KCNN3: variants seen among roughly 807,000 people sequenced by gnomAD.
The protein encoded by KCNN3 is small conductance calcium-activated potassium channel protein 3.
Under a neutral mutation model 62.9 loss-of-function variants are expected in KCNN3, and 16 were observed. The ratio of observed to expected loss-of-function variants is 0.25; its 90% CI spans 0.17 to 0.39. The LOEUF is 0.39. Among genes scored for constraint, KCNN3 ranks in the 10% least tolerant of loss-of-function variants. KCNN3 has a pLI of 1.00. For synonymous variants in KCNN3, 370 were observed against 389.2 expected (o/e 0.95, Z 0.58); for missense variants, 599 against 949.4 (o/e 0.63, Z 4.85).
chr1:154,748,266 G>A (rs1398784144), intron 3 of KCNN3, among the ~76,000 whole-genome samples: 3 of 151,942 alleles, frequency 2.0e-5, no homozygotes, highest in Admixed American at 1.3e-4. Context: ...AGCTCCACCC[G>A]CCCGGGGCCC....
In KCNN3 at chr1:154,869,315, G is replaced by C; in HGVS notation, c.650C>G (p.Pro217Arg). The change falls in exon 1 of 8, where the codon CCG (proline) becomes CGG (arginine). Residue 217 changes from proline to arginine, a missense_variant. This residue lies in a region of KCNN3 where 80 missense variants were observed against 85.4 expected (regional missense o/e 0.94). Transcript: ENST00000271915. This position sits in a 1 kb window ranked among gnomAD's most constrained non-coding sequence, Gnocchi z 6.1. The stretch of plus-strand genomic sequence containing the variant: ...CTCCCGGGAGGAGATGACGATCTCC[G>C]GGGGGTTGCTAGGGCTGAAAAGCTG... ...PLQLFSPSNP[P>R]EIVISSREDN... is the part of the protein sequence containing the mutation. 6.2e-7 allele frequency: 1 copy of C among 1,613,594 alleles called. No homozygotes were observed. The highest frequency in any genetic ancestry group is 8.5e-7 in the Non-Finnish European group (1 of 1,179,594).
chr1:154,835,089 T>A (rs554913259), intron 1 of KCNN3, among the ~76,000 whole-genome samples: 1 of 152,262 alleles, frequency 6.6e-6, no homozygotes, highest in South Asian at 2.1e-4. Context: ...ATCTTTAACA[T>A]CTATTCAATG....
chr1:154,715,240 C>A (rs920940617), intron 5 of KCNN3, among the ~76,000 whole-genome samples: 2 of 151,970 alleles, frequency 1.3e-5, no homozygotes, highest in Non-Finnish European at 2.9e-5. Flanking sequence ...GAGTTCGAGA[C>A]CAGCCTGGAC....
rs886079915 is a variant in KCNN3 at position 154,737,836 on chromosome 1, T to G, written c.1449-4692A>C. ...TGCTCGGAGGCTGAGGCAGGAGGATTGCTCGTGCCCAGGAGGTTGAGGCTG... is the reference window on the plus strand; with the variant it reads ...TGCTCGGAGGCTGAGGCAGGAGGATGGCTCGTGCCCAGGAGGTTGAGGCTG... On this transcript the variant is annotated intron_variant, in intron 3 of 7. Coordinates refer to ENST00000271915, the MANE Select transcript of KCNN3 (RefSeq NM_002249.6). Among the ~76,000 whole-genome samples the G allele has an allele frequency of 3.8e-4, 58 of 152,208 alleles. 1 individual carries two copies. Among genetic ancestry groups the G allele is most frequent in the African/African-American group, 1.4e-3 (56 of 41,448 alleles).
At chr1:154,769,085 A>G (rs1648431486) in intron 3 of KCNN3, among the ~76,000 whole-genome samples, 1 of 150,552 alleles carries the variant, frequency 6.6e-6, no homozygotes, top group East Asian at 2.0e-4. Flanking sequence ...AGTTTCCTCA[A>G]CTCTCCCATG....
intron 3 of KCNN3, among the ~76,000 whole-genome samples, chr1:154,744,223 CAATG>C (rs35253751): frequency 0.85 from 128,923 of 151,512 alleles, 55,055 homozygotes; most frequent in East Asian, 1. Flanking sequence ...AATACTTGTC[CAATG>C]AATGAATGAA....
At chr1:154,787,182 G>A (rs778637620) in intron 2 of KCNN3, among the ~76,000 whole-genome samples, 19 of 152,334 alleles carry the variant, frequency 1.2e-4, no homozygotes, top group Admixed American at 4.6e-4. Flanking sequence ...AATTCCTATC[G>A]TAGGCACTGA....
At chr1:154,751,661 CCTGT>C (rs1288986504) in intron 3 of KCNN3, among the ~76,000 whole-genome samples, 9 of 152,052 alleles carry the variant, frequency 5.9e-5, no homozygotes, top group Non-Finnish European at 1.3e-4. Context: ...TGGAAGCCAA[CCTGT>C]CTGTCTGTCC....
At position 154,822,181 on chromosome 1, in the gene KCNN3, A is replaced by T. The variant is rs1650926636; in HGVS notation, c.937T>A (p.Ser313Thr). Residue 313 changes from serine to threonine, a missense_variant, in exon 2 of 8, where the codon TCC becomes ACC. By Grantham distance (58) the Ser-to-Thr change is moderately conservative. Transcript: ENST00000271915. ...ELSWGLYSKDSMFSLALKCLI... is the reference protein window; with the variant it reads ...ELSWGLYSKDTMFSLALKCLI... ...CATTTCAGGGCCAACGAAAACATGG[A>T]GTCCTGCAGGAACAATGGAGAGAGA... 1 of 1,608,708 alleles carries T rather than the reference A, an allele frequency of 6.2e-7. No individual in the cohort carries two copies. The highest frequency in any genetic ancestry group is 2.2e-5 in the East Asian group (1 of 44,862).
chr1:154,867,965 T>G (rs1653017583), intron 1 of KCNN3: 6 of 984,868 alleles, frequency 6.1e-6, no homozygotes, highest in Non-Finnish European at 7.2e-6. Flanking sequence ...CCATCTCCAC[T>G]CCCTCTGGGA....
rs1652812175 is a variant in KCNN3, at chr1:154,862,680, A to G, written c.933+6352T>C. 1.3e-5 allele frequency among the ~76,000 whole-genome samples: 2 copies of G among 151,956 alleles called. No individual in the cohort carries two copies. Among genetic ancestry groups the G allele is most frequent in the African/African-American group, 4.8e-5 (2 of 41,348 alleles). Reference sequence around the variant, plus strand: ...AAGAACTGACCTTGGGCCAGTCCACAATCTCACCCTGATCCCAGGCCAACC... The same window carrying G: ...AAGAACTGACCTTGGGCCAGTCCACGATCTCACCCTGATCCCAGGCCAACC... On this transcript the variant is annotated intron_variant, in intron 1 of 7. Transcript: ENST00000271915. The surrounding 1 kb of genome is among the most constrained non-coding windows in gnomAD (Gnocchi z 4.1).
At chr1:154,848,304 G>T (rs1652162800) in intron 1 of KCNN3, among the ~76,000 whole-genome samples, 1 of 152,180 alleles carries the variant, frequency 6.6e-6, no homozygotes, top group Non-Finnish European at 1.5e-5. Context: ...GAAAGGTGAA[G>T]CCTGACAAGC....
chr1:154,781,620 G>A (rs1472513335), intron 2 of KCNN3, among the ~76,000 whole-genome samples: 2 of 152,208 alleles, frequency 1.3e-5, no homozygotes, highest in East Asian at 3.8e-4. Context: ...GGACCAGCTG[G>A]TCTCTAGTTG....
At chr1:154,855,725 C>T (rs1023159503) in intron 1 of KCNN3, among the ~76,000 whole-genome samples, 7 of 152,158 alleles carry the variant, frequency 4.6e-5, no homozygotes, top group African/African-American at 1.7e-4. Context: ...TCTGTGATGC[C>T]TAGAACAATA....
intron 1 of KCNN3, among the ~76,000 whole-genome samples, chr1:154,836,024 GGAGGCA>G (rs1651568237): frequency 6.6e-6 from 1 of 152,238 alleles, no homozygotes; most frequent in African/African-American, 2.4e-5. Flanking sequence ...GAGGGCGTCT[GGAGGCA>G]GACTTGCCAG....
intron 2 of KCNN3, among the ~76,000 whole-genome samples, chr1:154,811,742 A>G (rs1650415676): frequency 6.6e-6 from 1 of 152,234 alleles, no homozygotes; most frequent in African/African-American, 2.4e-5. Flanking sequence ...ATGTCATTTT[A>G]CTAGATTTGT....
chr1:154,824,229 C>T (rs1159397158), intron 1 of KCNN3, among the ~76,000 whole-genome samples: 1 of 138,100 alleles, frequency 7.2e-6, no homozygotes, highest in African/African-American at 2.9e-5. Context: ...ATTTGCTATG[C>T]ATAAGATGAT....
chr1:154,843,704 G>T (rs923516273), intron 1 of KCNN3, among the ~76,000 whole-genome samples: 5 of 152,210 alleles, frequency 3.3e-5, no homozygotes, highest in African/African-American at 4.8e-5. Context: ...GGCGGGGTAG[G>T]TGGGGAGTTC....
At chr1:154,845,476 AC>A (rs1170729049) in intron 1 of KCNN3, among the ~76,000 whole-genome samples, 1 of 151,628 alleles carries the variant, frequency 6.6e-6, no homozygotes, top group Admixed American at 6.6e-5. Flanking sequence ...TGACTCCTAC[AC>A]CCCCGGGCCC....
Sources: allele counts gnomAD v4.1 joint callset (sites outside exome capture counted in the v4.1 genomes callset), GRCh38; gene constraint gnomAD v4.1.1; regional missense constraint gnomAD v4.1.1; non-coding constraint Gnocchi (gnomAD v3.1); transcripts MANE v1.5; gene names NCBI Gene and HGNC (gene_info 2026-07-23, HGNC 2026-07-21).